Variants in PLEKHG1 observed in about 807,000 individuals in gnomAD.
PLEKHG1 encodes the protein pleckstrin homology and RhoGEF domain containing G1, also known as pleckstrin homology domain-containing family G member 1.
Under a neutral mutation model 100.8 loss-of-function variants are expected in PLEKHG1, and 44 were observed. That is an observed-to-expected ratio of 0.44 (90% CI 0.34 to 0.56). The LOEUF (loss-of-function observed/expected upper bound fraction) is 0.56, where lower values mean the gene tolerates loss of function less well. Ranked by LOEUF, PLEKHG1 falls within the 20% of genes least tolerant of loss-of-function variation. The pLI, the probability that PLEKHG1 is intolerant of heterozygous loss-of-function variation, is 0.01. For synonymous variants in PLEKHG1, 640 were observed against 662.5 expected, an observed-to-expected ratio of 0.97 and a Z score of 0.52; for missense variants, 1,545 against 1,720.9, an observed-to-expected ratio of 0.90 and a Z score of 1.81.
rs778791231 is a variant in PLEKHG1, at chr6:150,800,801, T to C, written c.712T>C (p.Ser238Pro). Residue 238 changes from serine to proline, a missense_variant, in exon 6 of 16, where the codon TCG becomes CCG. Coordinates refer to ENST00000358517, the Ensembl canonical transcript of PLEKHG1. ...GGAGCGTCAGGAAACTCTGAAACACTCGCTGCCTCTGGGGTCCTATCTCTT... is the reference window on the plus strand; with the variant it reads ...GGAGCGTCAGGAAACTCTGAAACACCCGCTGCCTCTGGGGTCCTATCTCTT... 2.5e-6 allele frequency: 4 copies of C among 1,613,762 alleles called. No homozygotes were observed. In the African/African-American group the frequency reaches 5.3e-5, roughly 22 times the overall value.
At chr6:150,722,122 A>G (rs1046998255) in intron 1 of PLEKHG1, among the ~76,000 whole-genome samples, 7 of 152,102 alleles carry the variant, frequency 4.6e-5, no homozygotes, top group African/African-American at 1.7e-4. Context: ...AATGTAGACA[A>G]TAAAGAAGCC....
At chr6:150,822,818 A>G (rs773584092) in intron 13 of PLEKHG1, among the ~76,000 whole-genome samples, 4 of 152,126 alleles carry the variant, frequency 2.6e-5, no homozygotes, top group Non-Finnish European at 4.4e-5. Flanking sequence ...CATCTCTACT[A>G]AAAATACAAA....
chr6:150,613,159 G>A (rs1377447275), intron 1 of PLEKHG1, among the ~76,000 whole-genome samples: 1 of 152,140 alleles, frequency 6.6e-6, no homozygotes, highest in Non-Finnish European at 1.5e-5. Flanking sequence ...GCATCAGAGT[G>A]TTCTTATTAC....
At chr6:150,801,294 A>C (rs1020263125) in intron 6 of PLEKHG1, among the ~76,000 whole-genome samples, 2 of 152,234 alleles carry the variant, frequency 1.3e-5, no homozygotes, top group Non-Finnish European at 2.9e-5. Flanking sequence ...ACAGATGAGC[A>C]GAGTGATAAG....
chr6:150,641,520 C>A (rs1778256195), intron 2 of PLEKHG1, among the ~76,000 whole-genome samples: 1 of 152,228 alleles, frequency 6.6e-6, no homozygotes, highest in Non-Finnish European at 1.5e-5. Context: ...CTGCATATGT[C>A]AGTTGTCTCT....
Position 150,733,757 on chromosome 6 carries a change from G to T in PLEKHG1, c.76G>T (p.Gly26Cys), listed in dbSNP as rs370261556. 1.6e-5 allele frequency: 26 copies of T among 1,614,124 alleles called. No individual in the cohort carries two copies. In the African/African-American group the frequency reaches 2.8e-4, roughly 17 times the overall value. Reference sequence around the variant, plus strand: ...CTCGGCCTCTTCCCGCGACAGCCATGGTTCCTTCGGCAGCAGAATGACCTT... The same window carrying T: ...CTCGGCCTCTTCCCGCGACAGCCATTGTTCCTTCGGCAGCAGAATGACCTT... Residue 26 changes from glycine to cysteine, a missense_variant, in exon 2 of 16, where the codon GGT becomes TGT. Gly to Cys is a radical substitution (Grantham distance 159). Coordinates refer to ENST00000358517, the Ensembl canonical transcript of PLEKHG1.
chr6:150,781,321 A>G (rs1395179812), intron 3 of PLEKHG1, among the ~76,000 whole-genome samples: 1 of 151,640 alleles, frequency 6.6e-6, no homozygotes, highest in Non-Finnish European at 1.5e-5. Context: ...CCTGACCAAC[A>G]GGGTGAAACC....
At chr6:150,618,957 T>C (rs6932970) in intron 1 of PLEKHG1, among the ~76,000 whole-genome samples, 1 of 151,974 alleles carries the variant, frequency 6.6e-6, no homozygotes, top group Admixed American at 6.5e-5. Flanking sequence ...GGTGGCAGTA[T>C]CTGTAGTTCC....
intron 2 of PLEKHG1, among the ~76,000 whole-genome samples, chr6:150,740,998 C>T (rs760174857): frequency 1.2e-4 from 18 of 152,116 alleles, no homozygotes; most frequent in Non-Finnish European, 1.8e-4. Context: ...ACCTTACTCT[C>T]GTCTTTCACC....
chr6:150,700,800 A>G (rs9480541), intron 3 of PLEKHG1, among the ~76,000 whole-genome samples: 83,323 of 151,924 alleles, frequency 0.55, 23,171 homozygotes, highest in African/African-American at 0.66. Context: ...CCTAGGAGAG[A>G]GTTGTGAGGA....
Position 150,605,077 on chromosome 6 carries a change from A to G in PLEKHG1, c.-204+5060A>G, listed in dbSNP as rs961735115. Among the ~76,000 whole-genome samples the G allele has an allele frequency of 4.6e-5, 7 of 152,210 alleles. No homozygotes were observed. In the East Asian group the frequency reaches 1.3e-3, roughly 29 times the overall value. ...TGCAGCCCTTCCTCATTTATTGGAC[A>G]GAGATGCCGTCACCTCCATCTCTAT... is the stretch of plus-strand genomic sequence containing the variant. On this transcript the variant is annotated intron_variant, in intron 1 of 3. Transcript: ENST00000367326.
At chr6:150,754,505 C>T (rs931905209) in intron 2 of PLEKHG1, among the ~76,000 whole-genome samples, 1 of 151,880 alleles carries the variant, frequency 6.6e-6, no homozygotes, top group African/African-American at 2.4e-5. Context: ...TTGCAGTAGT[C>T]CAGGTGAGAG....
At chr6:150,685,365 C>T (rs961836926) in intron 3 of PLEKHG1, among the ~76,000 whole-genome samples, 9 of 152,120 alleles carry the variant, frequency 5.9e-5, no homozygotes, top group Non-Finnish European at 1.2e-4. Context: ...AGCAGCAATC[C>T]GCTGAACCCA....
At chr6:150,767,321 C>T (rs371273077) in intron 2 of PLEKHG1, among the ~76,000 whole-genome samples, 2 of 152,238 alleles carry the variant, frequency 1.3e-5, no homozygotes, top group South Asian at 2.1e-4. Context: ...ATTTTAATGC[C>T]AACTACTTTT....
At chr6:150,716,553 C>T (rs1452776453), upstream of PLEKHG1, among the ~76,000 whole-genome samples, 1 of 152,176 alleles carries the variant, frequency 6.6e-6, no homozygotes, top group African/African-American at 2.4e-5. Context: ...GAGCTGTTGC[C>T]TGGCTGCACA....
At chr6:150,829,450 T>C (rs1776789632) in intron 14 of PLEKHG1, among the ~76,000 whole-genome samples, 1 of 152,082 alleles carries the variant, frequency 6.6e-6, no homozygotes, top group Non-Finnish European at 1.5e-5. Flanking sequence ...AAACCCTGTC[T>C]CTACTAAAAA....
chr6:150,643,733 C>T (rs1469475656), intron 2 of PLEKHG1, among the ~76,000 whole-genome samples: 1 of 152,062 alleles, frequency 6.6e-6, no homozygotes, highest in Non-Finnish European at 1.5e-5. Flanking sequence ...TGCGTAATGC[C>T]CGGCTCATAC....
At chr6:150,771,556 T>G (rs1403910010) in intron 3 of PLEKHG1, among the ~76,000 whole-genome samples, 1 of 151,770 alleles carries the variant, frequency 6.6e-6, no homozygotes, top group Non-Finnish European at 1.5e-5. Flanking sequence ...TTTTTTCTTT[T>G]TTCTTTTGAG....
chr6:150,788,580 A>G (rs1193361679), intron 4 of PLEKHG1, among the ~76,000 whole-genome samples: 1 of 152,136 alleles, frequency 6.6e-6, no homozygotes, highest in Non-Finnish European at 1.5e-5. Context: ...CAGAAATTAA[A>G]GTTTCGTGCT....
Sources: allele counts gnomAD v4.1 joint callset (sites outside exome capture counted in the v4.1 genomes callset), GRCh38; gene constraint gnomAD v4.1.1; transcripts MANE v1.5; gene names NCBI Gene and HGNC (gene_info 2026-07-23, HGNC 2026-07-21).